HRH1: variants seen among roughly 807,000 people sequenced by gnomAD.
The protein encoded by HRH1 is histamine H1 receptor.
HRH1 carries 6 observed loss-of-function variants against 10.3 expected under a neutral mutation model. That is an observed-to-expected ratio of 0.58 (90% CI 0.32 to 1.15). The LOEUF (loss-of-function observed/expected upper bound fraction) is 1.15. HRH1 is among the 50% of genes most tolerant of loss of function. The probability of loss-of-function intolerance (pLI) is 0.05; values close to 1 mark genes in which losing one functional copy is unlikely to be tolerated. For synonymous variants in HRH1, 242 were observed against 236.7 expected (o/e 1.02, Z -0.21); for missense variants, 514 against 615.3 (o/e 0.84, Z 1.74).
At chr3:11,191,584 C>T (rs541351320) in intron 1 of HRH1, among the ~76,000 whole-genome samples, 1 of 152,218 alleles carries the variant, frequency 6.6e-6, no homozygotes, top group African/African-American at 2.4e-5. Context: ...ATGCACCCCC[C>T]ACCTGACTGG....
At chr3:11,159,947 T>C (rs1936892193) in intron 1 of HRH1, among the ~76,000 whole-genome samples, 1 of 152,212 alleles carries the variant, frequency 6.6e-6, no homozygotes. Flanking sequence ...CTGAGTACCA[T>C]GGGGAGAGCC....
intron 1 of HRH1, among the ~76,000 whole-genome samples, chr3:11,235,934 G>A (rs185380410): frequency 3.9e-5 from 6 of 152,204 alleles, no homozygotes; most frequent in Admixed American, 3.3e-4. Context: ...GCTACTTCAG[G>A]TCAAAATCTC....
chr3:11,257,217 C>T lies in HRH1; in HGVS notation c.-35-1786C>T, dbSNP rs1939803999. On this transcript the variant is annotated intron_variant, in intron 1 of 1. Coordinates refer to ENST00000431010, the MANE Select transcript of HRH1 (RefSeq NM_001098212.2). ...GCAGTGAGCTGAGATGGTGCCACTGCACTCCAGCCTGGGCGACAGAGTGAG... is the reference window on the plus strand; with the variant it reads ...GCAGTGAGCTGAGATGGTGCCACTGTACTCCAGCCTGGGCGACAGAGTGAG... Among the ~76,000 whole-genome samples, 5 of 146,776 alleles carry T rather than the reference C, an allele frequency of 3.4e-5. No individual in the cohort carries two copies. The South Asian group carries it at 1.1e-3, about 32-fold the overall frequency.
intron 1 of HRH1, among the ~76,000 whole-genome samples, chr3:11,257,817 T>A (rs1226756125): frequency 2.6e-5 from 4 of 152,084 alleles, no homozygotes; most frequent in South Asian, 2.1e-4. Flanking sequence ...GGACAATTTT[T>A]AAAAAATTTC....
At chr3:11,236,427 TCAAAA>T (rs3087293) in intron 1 of HRH1, among the ~76,000 whole-genome samples, 13 of 151,324 alleles carry the variant, frequency 8.6e-5, no homozygotes, top group South Asian at 4.2e-4. Flanking sequence ...AGACTCCGTC[TCAAAA>T]CAAAACAAAA....
intron 1 of HRH1, among the ~76,000 whole-genome samples, chr3:11,232,510 A>G (rs978501538): frequency 6.6e-6 from 1 of 152,190 alleles, no homozygotes; most frequent in Non-Finnish European, 1.5e-5. Context: ...CCAATACCAC[A>G]AAGTCTTGAT....
At chr3:11,162,225 T>C (rs1936940615) in intron 1 of HRH1, among the ~76,000 whole-genome samples, 1 of 152,110 alleles carries the variant, frequency 6.6e-6, no homozygotes, top group South Asian at 2.1e-4. Flanking sequence ...ATAGATACAG[T>C]CACCATGCAA....
At chr3:11,216,532 G>A (rs557778693) in intron 1 of HRH1, among the ~76,000 whole-genome samples, 7 of 152,332 alleles carry the variant, frequency 4.6e-5, no homozygotes, top group South Asian at 4.1e-4. Flanking sequence ...AAAAGGGCAC[G>A]TAGTATATGA....
chr3:11,200,709 A>G (rs1449200982), intron 1 of HRH1, among the ~76,000 whole-genome samples: 4 of 152,196 alleles, frequency 2.6e-5, no homozygotes, highest in Non-Finnish European at 5.9e-5. Context: ...GGAAATTAAT[A>G]TTAATATATG....
intron 1 of HRH1, among the ~76,000 whole-genome samples, chr3:11,157,863 A>C (rs1198224206): frequency 6.6e-6 from 1 of 152,262 alleles, no homozygotes; most frequent in African/African-American, 2.4e-5. Flanking sequence ...TTAAAAGCAC[A>C]GACTCCAATG....
At chr3:11,248,499 G>A (rs1939549047) in intron 1 of HRH1, among the ~76,000 whole-genome samples, 1 of 152,198 alleles carries the variant, frequency 6.6e-6, no homozygotes, top group Non-Finnish European at 1.5e-5. Context: ...AAATGCCAAG[G>A]TGAGAGGGAT....
At chr3:11,177,668 C>G (rs767945869) in intron 1 of HRH1, among the ~76,000 whole-genome samples, 43 of 152,150 alleles carry the variant, frequency 2.8e-4, no homozygotes, top group Non-Finnish European at 5.3e-4. Context: ...ATCTTAAGGC[C>G]CCCAGCCCCT....
intron 1 of HRH1, among the ~76,000 whole-genome samples, chr3:11,175,681 G>A (rs921552178): frequency 6.6e-6 from 1 of 152,226 alleles, no homozygotes; most frequent in African/African-American, 2.4e-5. Context: ...TACACTGGAA[G>A]ATTTTCTGAA....
chr3:11,248,762 C>T (rs1939556509), intron 1 of HRH1, among the ~76,000 whole-genome samples: 1 of 152,196 alleles, frequency 6.6e-6, no homozygotes, highest in South Asian at 2.1e-4. Context: ...AGGGCTGACC[C>T]GCAGGGCTTT....
intron 1 of HRH1, among the ~76,000 whole-genome samples, chr3:11,243,102 C>T (rs1177470431): frequency 6.6e-6 from 1 of 152,066 alleles, no homozygotes; most frequent in African/African-American, 2.4e-5. Context: ...TTAGTGGAGA[C>T]GGGGTTTCGC....
At chr3:11,166,185 C>T (rs1340580279) in intron 1 of HRH1, among the ~76,000 whole-genome samples, 2 of 152,096 alleles carry the variant, frequency 1.3e-5, no homozygotes, top group African/African-American at 4.8e-5. Flanking sequence ...GAGTTGTAGA[C>T]TTAAAACAAG....
chr3:11,157,286 G>A (rs1373663740), intron 1 of HRH1, among the ~76,000 whole-genome samples: 2 of 152,096 alleles, frequency 1.3e-5, no homozygotes, highest in Admixed American at 1.3e-4. Flanking sequence ...GAAATGTGGA[G>A]AAAAGAAGGA....
upstream of HRH1, among the ~76,000 whole-genome samples, chr3:11,154,109 CTCTG>C (rs568242421): frequency 3.4e-3 from 516 of 152,266 alleles, 3 homozygotes; most frequent in Non-Finnish European, 5.7e-3. The surrounding 1 kb of genome is among the most constrained non-coding windows in gnomAD (Gnocchi z 4.4). Flanking sequence ...CTTGATTTAT[CTCTG>C]TCTGTCGTTT....
chr3:11,158,020 G>A (rs56221973), intron 1 of HRH1, among the ~76,000 whole-genome samples: 3,261 of 152,288 alleles, frequency 0.021, 128 homozygotes, highest in African/African-American at 0.072. Context: ...CTCCTAGCAC[G>A]TAGAAGGTAT....
Sources: allele counts gnomAD v4.1 joint callset (sites outside exome capture counted in the v4.1 genomes callset), GRCh38; gene constraint gnomAD v4.1.1; non-coding constraint Gnocchi (gnomAD v3.1); transcripts MANE v1.5; gene names NCBI Gene and HGNC (gene_info 2026-07-23, HGNC 2026-07-21).